The following RARB variants were observed in gnomAD, a reference collection of about 807,000 sequenced individuals.
RARB encodes HBV-activated protein.
RARB carries 17 observed loss-of-function variants against 51.9 expected under a neutral mutation model. That is an observed-to-expected ratio of 0.33 (90% CI 0.22 to 0.49). The LOEUF (loss-of-function observed/expected upper bound fraction) is 0.49, where lower values mean the gene tolerates loss of function less well. RARB is among the 20% of genes least tolerant of loss of function. The probability of loss-of-function intolerance (pLI) is 0.99; values close to 1 mark genes in which losing one functional copy is unlikely to be tolerated. For missense variants in RARB, 369 were observed against 550.8 expected (o/e 0.67, Z 3.30); for synonymous variants, 215 against 195.4 (o/e 1.10, Z -0.84).
intron 5 of RARB, among the ~76,000 whole-genome samples, chr3:25,215,460 C>T (rs34549650): frequency 0.098 from 14,959 of 152,124 alleles, 972 homozygotes; most frequent in South Asian, 0.26. Context: ...ACTGACCATT[C>T]ACATAGTTGT....
At chr3:25,360,976 G>C (rs747788675) in intron 5 of RARB, among the ~76,000 whole-genome samples, 1 of 152,070 alleles carries the variant, frequency 6.6e-6, no homozygotes, top group Non-Finnish European at 1.5e-5. Context: ...TCTTCTCAAG[G>C]AGTGTCTTAG....
At chr3:25,367,595 C>T (rs1030391188) in intron 5 of RARB, among the ~76,000 whole-genome samples, 3 of 150,634 alleles carry the variant, frequency 2.0e-5, no homozygotes, top group Admixed American at 6.6e-5. Flanking sequence ...GTTGGCAGAT[C>T]GCTTAAGCTG....
chr3:24,937,101 C>A (rs886069815), intron 2 of RARB, among the ~76,000 whole-genome samples: 2 of 151,864 alleles, frequency 1.3e-5, no homozygotes, highest in African/African-American at 4.8e-5. Flanking sequence ...AATATCACTT[C>A]AAAAAGTGAT....
rs1454788098 is a variant in RARB at position 25,428,312 on chromosome 3, C to A, written c.-420C>A. Reference sequence around the variant, plus strand: ...CTGTTCAGAGGCAGGAGGGTCTATTCTTTGCCAAAGGGGGGACCAGAATTC... The same window carrying A: ...CTGTTCAGAGGCAGGAGGGTCTATTATTTGCCAAAGGGGGGACCAGAATTC... On this transcript the variant is annotated 5_prime_UTR_variant, in exon 1 of 8. Coordinates refer to ENST00000330688, the MANE Select transcript of RARB (RefSeq NM_000965.5). 3 of 1,245,570 alleles carry A rather than the reference C, an allele frequency of 2.4e-6. No homozygotes were observed. The African/African-American group carries it at 4.6e-5, about 19-fold the overall frequency. The allele number at this position is 1,245,570 out of a possible 1,614,324, so 77.2% of individuals were successfully genotyped here. A position where few individuals can be genotyped will look rare whatever the true frequency, so the allele number is the denominator to read the frequency against.
intron 5 of RARB, among the ~76,000 whole-genome samples, chr3:25,325,523 G>A (rs58485239): frequency 0.022 from 3,395 of 151,970 alleles, 109 homozygotes; most frequent in African/African-American, 0.074. Context: ...CAAACGCTCT[G>A]ACAGAAGCAG....
intron 3 of RARB, among the ~76,000 whole-genome samples, chr3:25,081,582 TATAC>T (rs1242398172): frequency 1.4e-4 from 7 of 51,000 alleles, no homozygotes; most frequent in African/African-American, 5.4e-4. Flanking sequence ...GTTTGCTTCA[TATAC>T]ATATATATAT....
chr3:25,564,309 A>G (rs1316533892), intron 3 of RARB, among the ~76,000 whole-genome samples: 4 of 152,214 alleles, frequency 2.6e-5, no homozygotes, highest in Non-Finnish European at 4.4e-5. Flanking sequence ...GATTTGTAGC[A>G]CTTAGCCCCT....
intron 2 of RARB, among the ~76,000 whole-genome samples, chr3:24,945,614 A>C (rs947159954): frequency 1.3e-5 from 2 of 152,238 alleles, no homozygotes; most frequent in Admixed American, 1.3e-4. Context: ...CTTTGAATGA[A>C]CGTATTTCCA....
chr3:25,539,595 CTTGTT>C (rs1349019796), intron 3 of RARB, among the ~76,000 whole-genome samples: 1 of 32,834 alleles, frequency 3.0e-5, no homozygotes, highest in Non-Finnish European at 6.0e-5. Flanking sequence ...TTTTTTTTCT[CTTGTT>C]TTGTATTTCT....
intron 2 of RARB, among the ~76,000 whole-genome samples, chr3:24,887,064 C>T (rs1182674653): frequency 1.3e-5 from 2 of 152,188 alleles, no homozygotes; most frequent in African/African-American, 4.8e-5. Flanking sequence ...GCCATAGAGG[C>T]ATGAAAATGA....
intron 3 of RARB, among the ~76,000 whole-genome samples, chr3:25,099,872 C>T (rs924211829): frequency 6.6e-5 from 10 of 152,268 alleles, no homozygotes; most frequent in African/African-American, 1.4e-4. Context: ...GACTGGGACA[C>T]GCAGGAAAGC....
chr3:25,558,057 G>A (rs568346765), intron 3 of RARB, among the ~76,000 whole-genome samples: 1 of 152,148 alleles, frequency 6.6e-6, no homozygotes, highest in African/African-American at 2.4e-5. Flanking sequence ...GCCTCTCTCT[G>A]CAAATGAGCA....
chr3:25,258,678 G>C (rs1414058837), intron 5 of RARB, among the ~76,000 whole-genome samples: 1 of 152,046 alleles, frequency 6.6e-6, no homozygotes, highest in Admixed American at 6.6e-5. Flanking sequence ...TTAGTTCATG[G>C]TTCTGGAGGC....
chr3:24,952,286 G>A (rs995821616), intron 2 of RARB, among the ~76,000 whole-genome samples: 1 of 151,804 alleles, frequency 6.6e-6, no homozygotes, highest in Non-Finnish European at 1.5e-5. Flanking sequence ...TTAATGATTA[G>A]TGAGATGTAG....
chr3:25,229,071 C>G (rs1702119730), intron 5 of RARB, among the ~76,000 whole-genome samples: 1 of 152,124 alleles, frequency 6.6e-6, no homozygotes, highest in Non-Finnish European at 1.5e-5. Flanking sequence ...CTGAGTCTTT[C>G]AAGACCTGCT....
intron 2 of RARB, among the ~76,000 whole-genome samples, chr3:24,878,155 T>A (rs1703082939): frequency 6.6e-6 from 1 of 152,252 alleles, no homozygotes; most frequent in African/African-American, 2.4e-5. Context: ...TCATAACTCT[T>A]CTAGTCCAGC....
chr3:25,278,593 T>C (rs1236540838), intron 5 of RARB, among the ~76,000 whole-genome samples: 1 of 152,188 alleles, frequency 6.6e-6, no homozygotes, highest in Non-Finnish European at 1.5e-5. Context: ...GCTGTATCAA[T>C]TGATTTATGG....
At chr3:24,854,172 G>A (rs907375367) in intron 1 of RARB, among the ~76,000 whole-genome samples, 3 of 152,182 alleles carry the variant, frequency 2.0e-5, no homozygotes, top group African/African-American at 7.2e-5. Context: ...CATCCCCTCA[G>A]GCAGATTGTT....
chr3:24,945,490 C>A (rs1300597731), intron 2 of RARB, among the ~76,000 whole-genome samples: 4 of 152,182 alleles, frequency 2.6e-5, no homozygotes, highest in African/African-American at 7.2e-5. Flanking sequence ...TGGGGCCCAC[C>A]TATTTAGCTC....
Sources: allele counts gnomAD v4.1 joint callset (sites outside exome capture counted in the v4.1 genomes callset), GRCh38; gene constraint gnomAD v4.1.1; transcripts MANE v1.5; gene names NCBI Gene and HGNC (gene_info 2026-07-23, HGNC 2026-07-21).